Variants in ASIC2 observed in about 807,000 individuals in gnomAD.
The protein encoded by ASIC2 is acid-sensing ion channel 2.
A neutral mutation model predicts 57.3 loss-of-function variants in ASIC2; 25 were observed. The ratio of observed to expected loss-of-function variants is 0.44; its 90% confidence interval spans 0.32 to 0.61. ASIC2 has a LOEUF of 0.61. ASIC2 is among the 20% of genes least tolerant of loss of function. The pLI is 0.06. For synonymous variants in ASIC2, 319 were observed against 307.5 expected (o/e 1.04, Z -0.39); for missense variants, 641 against 738.1 (o/e 0.87, Z 1.52).
intron 1 of ASIC2, among the ~76,000 whole-genome samples, chr17:33,866,726 C>T (rs1360547268): frequency 6.6e-6 from 1 of 152,134 alleles, no homozygotes; most frequent in East Asian, 1.9e-4. Flanking sequence ...ATATGTCAGG[C>T]AACCTTGAAT....
chr17:33,762,578 C>CA (rs1409541423), intron 1 of ASIC2, among the ~76,000 whole-genome samples: 4 of 152,162 alleles, frequency 2.6e-5, no homozygotes, highest in Non-Finnish European at 1.5e-5. Flanking sequence ...TTTAGAGACA[C>CA]AGTCTATAAC....
intron 1 of ASIC2, among the ~76,000 whole-genome samples, chr17:33,567,868 G>A (rs549532319): frequency 1.9e-4 from 29 of 151,060 alleles, no homozygotes; most frequent in Non-Finnish European, 3.8e-4. Context: ...TTTTTTTTTG[G>A]TCTCTCTCCC....
chr17:33,919,227 T>A (rs1048866847), intron 1 of ASIC2, among the ~76,000 whole-genome samples: 2 of 152,138 alleles, frequency 1.3e-5, no homozygotes, highest in South Asian at 4.1e-4. Flanking sequence ...TGGAAAGGTG[T>A]CTGCCTGGCC....
At chr17:33,317,809 A>G (rs1427630712) in intron 1 of ASIC2, among the ~76,000 whole-genome samples, 5 of 152,088 alleles carry the variant, frequency 3.3e-5, no homozygotes, top group Non-Finnish European at 5.9e-5. Flanking sequence ...TAGGAAATCC[A>G]AGAGGACTTC....
intron 1 of ASIC2, among the ~76,000 whole-genome samples, chr17:33,289,153 T>C (rs1366968294): frequency 1.3e-5 from 2 of 152,092 alleles, no homozygotes; most frequent in Admixed American, 1.3e-4. Context: ...CCACTAGGGG[T>C]CACCTGAGTC....
intron 1 of ASIC2, among the ~76,000 whole-genome samples, chr17:34,057,447 T>C (rs1908810848): frequency 6.6e-6 from 1 of 152,150 alleles, no homozygotes; most frequent in African/African-American, 2.4e-5. Flanking sequence ...GCTGTCGCAG[T>C]AGAGGTGTGA....
At chr17:33,297,918 G>A (rs975868551), upstream of ASIC2, among the ~76,000 whole-genome samples, 19 of 148,576 alleles carry the variant, frequency 1.3e-4, no homozygotes, top group Non-Finnish European at 2.2e-4. Context: ...GGGGGTAACT[G>A]TGACCCTAAA....
intron 1 of ASIC2, among the ~76,000 whole-genome samples, chr17:33,810,230 T>C (rs1240232445): frequency 6.6e-6 from 1 of 152,238 alleles, no homozygotes; most frequent in African/African-American, 2.4e-5. Flanking sequence ...AGGGTATTTC[T>C]GGCAGGGAAA....
intron 7 of ASIC2, among the ~76,000 whole-genome samples, chr17:33,018,958 C>A (rs2141894042): frequency 6.6e-6 from 1 of 152,254 alleles, no homozygotes; most frequent in Admixed American, 6.5e-5. Flanking sequence ...GGGTCCAGCA[C>A]CCACATGCCC....
intron 1 of ASIC2, among the ~76,000 whole-genome samples, chr17:33,747,908 T>C (rs1303371272): frequency 6.6e-6 from 1 of 152,214 alleles, no homozygotes; most frequent in African/African-American, 2.4e-5. Flanking sequence ...CAAGTCACTT[T>C]AGTTTTAGTG....
intron 1 of ASIC2, among the ~76,000 whole-genome samples, chr17:33,758,938 T>C (rs1209558334): frequency 7.0e-6 from 1 of 143,162 alleles, no homozygotes; most frequent in Non-Finnish European, 1.5e-5. Flanking sequence ...AAAAAAATGG[T>C]ATTGAGAAGT....
At chr17:33,211,880 G>A (rs1015304866) in intron 1 of ASIC2, among the ~76,000 whole-genome samples, 5 of 152,174 alleles carry the variant, frequency 3.3e-5, no homozygotes, top group African/African-American at 9.7e-5. Context: ...GATCCCCCTA[G>A]TGCCTGGCTG....
chr17:33,586,068 C>T (rs1218916041), intron 1 of ASIC2, among the ~76,000 whole-genome samples: 1 of 152,178 alleles, frequency 6.6e-6, no homozygotes. Context: ...TAAGTTGTGC[C>T]AGTGCTTCCT....
chr17:33,037,102 A>T (rs1271248097), intron 3 of ASIC2, among the ~76,000 whole-genome samples: 1 of 150,042 alleles, frequency 6.7e-6, no homozygotes, highest in African/African-American at 2.5e-5. Context: ...CAAACCCCAA[A>T]TTAAAAAAAA....
chr17:34,045,323 G>C (rs1216479875), intron 1 of ASIC2, among the ~76,000 whole-genome samples: 1 of 152,192 alleles, frequency 6.6e-6, no homozygotes, highest in Non-Finnish European at 1.5e-5. Flanking sequence ...AGTTATGCCA[G>C]GGAACAAGAC....
At chr17:33,424,737 C>G (rs72625910) in intron 1 of ASIC2, among the ~76,000 whole-genome samples, 6,647 of 152,172 alleles carry the variant, frequency 0.044, 380 homozygotes, top group East Asian at 0.24. Context: ...AACAAACACA[C>G]TTGAATCCCT....
intron 1 of ASIC2, among the ~76,000 whole-genome samples, chr17:33,595,430 C>G (rs1233782409): frequency 1.3e-5 from 2 of 152,322 alleles, no homozygotes; most frequent in South Asian, 4.1e-4. Flanking sequence ...TTCTAAGGCA[C>G]TACAGTGTGA....
intron 1 of ASIC2, among the ~76,000 whole-genome samples, chr17:33,493,185 G>T (rs1026050941): frequency 6.6e-6 from 1 of 152,184 alleles, no homozygotes; most frequent in African/African-American, 2.4e-5. Flanking sequence ...AGGCTCCAGG[G>T]TATGTGCTGG....
chr17:33,916,065 T>A (rs968787298), intron 1 of ASIC2, among the ~76,000 whole-genome samples: 1 of 152,180 alleles, frequency 6.6e-6, no homozygotes, highest in Non-Finnish European at 1.5e-5. Context: ...CTTTCCTACC[T>A]CCTTGACTTT....
Sources: gnomAD v4.1 joint callset for allele counts (sites outside exome capture counted in the v4.1 genomes callset) on GRCh38, gnomAD v4.1.1 for gene constraint, MANE v1.5 for transcripts, NCBI Gene and HGNC (gene_info 2026-07-23, HGNC 2026-07-21) for gene names.